Variants in LYST observed in about 807,000 individuals in gnomAD.
The protein encoded by LYST is lysosomal-trafficking regulator.
A neutral mutation model predicts 413.6 loss-of-function variants in LYST; 192 were observed. The observed-to-expected ratio is 0.46, with a 90% CI of 0.41 to 0.52. LYST has a LOEUF of 0.52. Among genes scored for constraint, LYST ranks in the 20% least tolerant of loss-of-function variants. The pLI, the probability that LYST is intolerant of heterozygous loss-of-function variation, is 0.00. For synonymous variants in LYST, 1,525 were observed against 1,567.3 expected, an observed-to-expected ratio of 0.97 and a Z score of 0.64; for missense variants, 3,815 against 4,499.9, an observed-to-expected ratio of 0.85 and a Z score of 4.35.
In LYST at chr1:235,704,265, T is replaced by A. The variant is rs1336362892; in HGVS notation, c.10144-1288A>T. ...AGAATGATTTACATTCTTTTGGGTA[T>A]ATACCTAGTAAAGGGATTGCTGGGT... On this transcript the variant is annotated intron_variant, in intron 44 of 52. Transcript: ENST00000389793. Among the ~76,000 whole-genome samples, 3 of 152,210 alleles carry A rather than the reference T, an allele frequency of 2.0e-5. No homozygotes were observed. In the East Asian group the frequency reaches 5.8e-4, roughly 29 times the overall value.
At chr1:235,744,466 T>G (rs990009777) in intron 29 of LYST, among the ~76,000 whole-genome samples, 2 of 152,168 alleles carry the variant, frequency 1.3e-5, no homozygotes, top group Non-Finnish European at 2.9e-5. Context: ...ATAAAGATCA[T>G]GTCATATTTA....
intron 14 of LYST, among the ~76,000 whole-genome samples, chr1:235,783,845 A>G (rs1670124011): frequency 6.6e-6 from 1 of 151,598 alleles, no homozygotes. Context: ...TTATTTTAAA[A>G]GGCCTCTTCA....
intron 3 of LYST, among the ~76,000 whole-genome samples, chr1:235,816,462 AATAAAAAT>A (rs1674112745): frequency 8.8e-6 from 1 of 113,920 alleles, no homozygotes; most frequent in African/African-American, 4.6e-5. Context: ...ATAAATAAAA[AATAAAAAT>A]AAAAAAAAAA....
intron 8 of LYST, among the ~76,000 whole-genome samples, chr1:235,802,459 C>G (rs1446857993): frequency 6.6e-6 from 1 of 152,252 alleles, no homozygotes; most frequent in East Asian, 1.9e-4. Context: ...ATTATGTATT[C>G]TTTATAACAA....
chr1:235,730,805 G>T (rs760827955), intron 36 of LYST, 42 bp downstream of exon 36: 2 of 1,119,408 alleles, frequency 1.8e-6, no homozygotes, highest in Non-Finnish European at 2.7e-6. Context: ...ATAAGCTGTT[G>T]TATATTCATG....
At chr1:235,680,042 A>G (rs537115765) in intron 48 of LYST, among the ~76,000 whole-genome samples, 28 of 151,372 alleles carry the variant, frequency 1.8e-4, no homozygotes, top group African/African-American at 6.5e-4. Context: ...CACAACTAAG[A>G]CTGAATAAAA....
At chr1:235,715,089 G>A (rs531208979) in intron 42 of LYST, 112 bp downstream of exon 42, 2 of 984,780 alleles carry the variant, frequency 2.0e-6, no homozygotes, top group South Asian at 1.4e-5. Context: ...TCTTTTTCCT[G>A]TAGTTTGATT....
At chr1:235,748,338 T>C (rs1666124963) in intron 28 of LYST, among the ~76,000 whole-genome samples, 1 of 152,000 alleles carries the variant, frequency 6.6e-6, no homozygotes, top group Non-Finnish European at 1.5e-5. Flanking sequence ...AGTAAAAAAA[T>C]ACATTTAAAA....
At chr1:235,875,183 C>T (rs1182910285) in intron 1 of LYST, among the ~76,000 whole-genome samples, 2 of 152,100 alleles carry the variant, frequency 1.3e-5, no homozygotes, top group African/African-American at 2.4e-5. Flanking sequence ...AGAGTCAATG[C>T]CACAATTCAG....
At chr1:235,717,727 T>C (rs1662971919) in intron 40 of LYST, among the ~76,000 whole-genome samples, 2 of 152,020 alleles carry the variant, frequency 1.3e-5, no homozygotes, top group African/African-American at 4.8e-5. Flanking sequence ...TTAATATAAA[T>C]TACTATTTTC....
At chr1:235,689,023 TAATAAC>T (rs1462498471) in intron 47 of LYST, among the ~76,000 whole-genome samples, 217 of 76,552 alleles carry the variant, frequency 2.8e-3, no homozygotes, top group South Asian at 5.8e-3. Context: ...ATAATAATAA[TAATAAC>T]AACAACAACA....
At chr1:235,667,766 G>A (rs577339619) in intron 50 of LYST, among the ~76,000 whole-genome samples, 21 of 151,864 alleles carry the variant, frequency 1.4e-4, no homozygotes, top group African/African-American at 4.6e-4. Context: ...TCCTTCAAGC[G>A]ATTCTCCTGC....
Position 235,809,966 on chromosome 1 carries a change from A to G in LYST, c.852T>C (p.Ser284=). ...TLNHNSPLAA[S]VVPTLTEFLA... ...GGAATTCAGTTAGTGTGGGCACTAC[A>G]CTGGCTGCTAAAGGAGAATTATGAT... Residue 284 remains serine, a synonymous_variant, in exon 5 of 53, where the codon AGT becomes AGC. Coordinates refer to ENST00000389793, the MANE Select transcript of LYST (RefSeq NM_000081.4). This position sits in a 1 kb window ranked among gnomAD's most constrained non-coding sequence, Gnocchi z 4.0. 2 of 1,613,886 alleles carry G rather than the reference A, an allele frequency of 1.2e-6. No homozygotes were observed. Among genetic ancestry groups the G allele is most frequent in the Non-Finnish European group, 1.7e-6 (2 of 1,179,920 alleles).
In LYST at chr1:235,811,402, A is replaced by C. The variant is rs569887625; in HGVS notation, c.284-868T>G. Among the ~76,000 whole-genome samples, 7 of 152,342 alleles carry C rather than the reference A, an allele frequency of 4.6e-5. No homozygotes were observed. The East Asian group carries it at 1.2e-3, about 25-fold the overall frequency. ...ATTTTTCTAAAATTATTTCAAAATC[A>C]TACACTATATGCCAAATGTTCTCTA... is the stretch of plus-strand genomic sequence containing the variant. On this transcript the variant is annotated intron_variant, in intron 4 of 52. Transcript: ENST00000389793.
chr1:235,838,510 A>C (rs1303919499), intron 1 of LYST, among the ~76,000 whole-genome samples: 1 of 152,252 alleles, frequency 6.6e-6, no homozygotes, highest in African/African-American at 2.4e-5. Flanking sequence ...CTTTTCTTTA[A>C]GTATAATATT....
chr1:235,779,332 C>A (rs1259073829), intron 16 of LYST, among the ~76,000 whole-genome samples: 1 of 152,216 alleles, frequency 6.6e-6, no homozygotes, highest in Admixed American at 6.5e-5. Flanking sequence ...GACCTATATA[C>A]CGTTCAGGAA....
At chr1:235,671,312 C>T (rs1224279603) in intron 50 of LYST, among the ~76,000 whole-genome samples, 2 of 152,154 alleles carry the variant, frequency 1.3e-5, no homozygotes, top group Non-Finnish European at 2.9e-5. Context: ...AATATATCAA[C>T]TGCTATAAAT....
intron 1 of LYST, among the ~76,000 whole-genome samples, chr1:235,860,535 C>G (rs1287097576): frequency 6.6e-6 from 1 of 152,208 alleles, no homozygotes; most frequent in African/African-American, 2.4e-5. Flanking sequence ...AATCTTTTTA[C>G]TGTCTCCATA....
chr1:235,816,471 A>T (rs951220386), intron 3 of LYST, among the ~76,000 whole-genome samples: 6 of 49,048 alleles, frequency 1.2e-4, no homozygotes, highest in Admixed American at 3.1e-4. Flanking sequence ...AAATAAAAAT[A>T]AAAAAAAAAA....
Sources: allele counts gnomAD v4.1 joint callset (sites outside exome capture counted in the v4.1 genomes callset), GRCh38; gene constraint gnomAD v4.1.1; non-coding constraint Gnocchi (gnomAD v3.1); transcripts MANE v1.5; gene names NCBI Gene and HGNC (gene_info 2026-07-23, HGNC 2026-07-21).